The following LRP1B variants were observed in gnomAD, a reference collection of about 807,000 sequenced individuals.
The protein encoded by LRP1B is LDL receptor related protein 1B.
A neutral mutation model predicts 556.6 loss-of-function variants in LRP1B; 217 were observed. The ratio of observed to expected loss-of-function variants is 0.39; its 90% confidence interval spans 0.35 to 0.44. LRP1B has a LOEUF of 0.44. Among genes scored for constraint, LRP1B ranks in the 20% least tolerant of loss-of-function variants. The probability of loss-of-function intolerance (pLI) is 1.00; values close to 1 mark genes in which losing one functional copy is unlikely to be tolerated. For missense variants in LRP1B, 5,053 were observed against 5,620.8 expected, an observed-to-expected ratio of 0.90 and a Z score of 3.23; for synonymous variants, 2,047 against 1,865.8, an observed-to-expected ratio of 1.10 and a Z score of -2.50.
intron 11 of LRP1B, among the ~76,000 whole-genome samples, chr2:141,021,233 A>G (rs1209886922): frequency 2.6e-5 from 4 of 152,002 alleles, no homozygotes; most frequent in Non-Finnish European, 5.9e-5. Flanking sequence ...GATATTTACT[A>G]TTATCATGTT....
chr2:141,292,743 C>T (rs1383673115), intron 3 of LRP1B, among the ~76,000 whole-genome samples: 1 of 152,052 alleles, frequency 6.6e-6, no homozygotes, highest in Non-Finnish European at 1.5e-5. Context: ...TAGTAGACCT[C>T]AAAACTGTCA....
intron 66 of LRP1B, among the ~76,000 whole-genome samples, chr2:140,435,549 TG>T (rs1216351695): frequency 6.6e-6 from 1 of 152,188 alleles, no homozygotes; most frequent in African/African-American, 2.4e-5. Context: ...TTACGGCTTT[TG>T]CTACCTATCA....
chr2:141,951,810 A>T (rs980511618), intron 1 of LRP1B, among the ~76,000 whole-genome samples: 1 of 152,142 alleles, frequency 6.6e-6, no homozygotes, highest in African/African-American at 2.4e-5. Flanking sequence ...CTTTGATTAG[A>T]AACAACTGAT....
At chr2:140,608,006 AATT>A (rs1213465951) in intron 41 of LRP1B, among the ~76,000 whole-genome samples, 1 of 151,858 alleles carries the variant, frequency 6.6e-6, no homozygotes. Flanking sequence ...AATAAAATAA[AATT>A]ATTATCTAAA....
intron 3 of LRP1B, among the ~76,000 whole-genome samples, chr2:141,343,925 G>C (rs1466104360): frequency 6.6e-6 from 1 of 151,948 alleles, no homozygotes; most frequent in Non-Finnish European, 1.5e-5. Flanking sequence ...AGAATTCCCA[G>C]CTCTCTCTCT....
intron 60 of LRP1B, among the ~76,000 whole-genome samples, chr2:140,463,334 C>T (rs1025102503): frequency 1.3e-5 from 2 of 152,150 alleles, no homozygotes; most frequent in African/African-American, 2.4e-5. Flanking sequence ...TTTATATAAC[C>T]TTAGGGCCAA....
chr2:140,676,261 T>C (rs1184794563), intron 41 of LRP1B, among the ~76,000 whole-genome samples: 2 of 152,162 alleles, frequency 1.3e-5, no homozygotes, highest in Non-Finnish European at 2.9e-5. Context: ...ATAATAAATA[T>C]GCTCTGGGTA....
At chr2:140,616,878 A>G (rs994916749) in intron 41 of LRP1B, among the ~76,000 whole-genome samples, 1 of 151,902 alleles carries the variant, frequency 6.6e-6, no homozygotes, top group African/African-American at 2.4e-5. Flanking sequence ...TTCAATGACT[A>G]CAAATCTTGA....
intron 2 of LRP1B, among the ~76,000 whole-genome samples, chr2:141,763,204 T>G (rs1694618951): frequency 6.6e-6 from 1 of 151,988 alleles, no homozygotes; most frequent in Non-Finnish European, 1.5e-5. Flanking sequence ...CATGATTGAG[T>G]GAGAGTATGT....
chr2:140,922,855 C>T (rs1029645830), intron 21 of LRP1B, 110 bp downstream of exon 21: 6 of 916,814 alleles, frequency 6.5e-6, no homozygotes. Flanking sequence ...AGCACATCTG[C>T]CAAAAATATA....
chr2:140,529,434 G>GC (rs746225934), intron 47 of LRP1B, among the ~76,000 whole-genome samples: 4 of 102,698 alleles, frequency 3.9e-5, no homozygotes, highest in East Asian at 4.1e-4. Context: ...AGCTGAAAAG[G>GC]GGGGGGGGAA....
chr2:140,844,352 A>C (rs1692211266), intron 29 of LRP1B, among the ~76,000 whole-genome samples: 1 of 152,030 alleles, frequency 6.6e-6, no homozygotes, highest in African/African-American at 2.4e-5. Flanking sequence ...GCATGAGCCT[A>C]ATTAGGCGCC....
chr2:141,906,943 G>A (rs1421740918), intron 1 of LRP1B, among the ~76,000 whole-genome samples: 1 of 151,976 alleles, frequency 6.6e-6, no homozygotes, highest in African/African-American at 2.4e-5. Flanking sequence ...TCCCATTTTG[G>A]CAGAGACACA....
chr2:140,909,195 T>A (rs1197216972), intron 21 of LRP1B, among the ~76,000 whole-genome samples: 3 of 152,188 alleles, frequency 2.0e-5, no homozygotes, highest in Non-Finnish European at 4.4e-5. Flanking sequence ...TTATGCAATG[T>A]TCAGGTGTAA....
chr2:140,594,862 T>A (rs1364031513), intron 43 of LRP1B, among the ~76,000 whole-genome samples: 2 of 151,936 alleles, frequency 1.3e-5, no homozygotes, highest in African/African-American at 4.8e-5. Context: ...GAATGAACGA[T>A]GTTTTGCGTC....
At chr2:141,682,095 CAT>C (rs940980399) in intron 2 of LRP1B, among the ~76,000 whole-genome samples, 24 of 151,964 alleles carry the variant, frequency 1.6e-4, no homozygotes, top group African/African-American at 5.6e-4. Flanking sequence ...AAGGGGGGAA[CAT>C]ATGTGTATGT....
chr2:141,612,122 G>T (rs573293898), intron 2 of LRP1B, among the ~76,000 whole-genome samples: 6 of 152,154 alleles, frequency 3.9e-5, no homozygotes, highest in Non-Finnish European at 8.8e-5. Context: ...CCCAAATAAA[G>T]CTTCATTAAA....
In LRP1B at chr2:140,536,890, T is replaced by A. The variant is rs146750346; in HGVS notation, c.7514-181A>T. 1.8e-3 allele frequency among the ~76,000 whole-genome samples: 279 copies of A among 151,754 alleles called. 2 individuals carry two copies. The highest frequency in any genetic ancestry group is 5.9e-3 in the African/African-American group (244 of 41,416). On this transcript the variant is annotated intron_variant, in intron 45 of 90. Transcript: ENST00000389484. The stretch of plus-strand genomic sequence containing the variant: ...AATTAAGATCTTAAGAAATAATTTT[T>A]TGGCCAGGCGCGGTGGCTCACGCCT...
At chr2:141,487,484 C>T (rs137870970) in intron 2 of LRP1B, among the ~76,000 whole-genome samples, 4 of 152,160 alleles carry the variant, frequency 2.6e-5, no homozygotes, top group African/African-American at 9.6e-5. Context: ...ACAAATGCTA[C>T]TTTCATCTCA....
Sources: gnomAD v4.1 joint callset for allele counts (sites outside exome capture counted in the v4.1 genomes callset) on GRCh38, gnomAD v4.1.1 for gene constraint, MANE v1.5 for transcripts, NCBI Gene and HGNC (gene_info 2026-07-23, HGNC 2026-07-21) for gene names.